The following SAMD3 variants were observed in gnomAD, a reference collection of about 807,000 sequenced individuals.
SAMD3 encodes the protein sterile alpha motif domain-containing protein 3.
In SAMD3, 63 loss-of-function variants were observed where a neutral mutation model predicts 58.5. The observed-to-expected ratio is 1.08, with a 90% confidence interval of 0.88 to 1.33. The LOEUF is 1.33. Ranked by LOEUF, SAMD3 falls within the 40% of genes most tolerant of loss-of-function variation. The probability of loss-of-function intolerance (pLI) is 0.00; values close to 1 mark genes in which losing one functional copy is unlikely to be tolerated. For synonymous variants in SAMD3, 220 were observed against 210.3 expected, an observed-to-expected ratio of 1.05 and a Z score of -0.40; for missense variants, 604 against 608.4, an observed-to-expected ratio of 0.99 and a Z score of 0.08.
chr6:130,150,877 A>G (rs530460843), intron 9 of SAMD3, among the ~76,000 whole-genome samples: 1 of 151,778 alleles, frequency 6.6e-6, no homozygotes, highest in East Asian at 1.9e-4. Flanking sequence ...ACACCCGGCT[A>G]ATTTTTGTAT....
intron 2 of SAMD3, among the ~76,000 whole-genome samples, chr6:130,261,966 G>T (rs543404258): frequency 6.6e-6 from 1 of 151,792 alleles, no homozygotes; most frequent in East Asian, 1.9e-4. Flanking sequence ...ACAGAGAGGA[G>T]AAAGAGAGAG....
At chr6:130,166,273 TC>T (rs1201274399) in intron 8 of SAMD3, among the ~76,000 whole-genome samples, 1 of 152,148 alleles carries the variant, frequency 6.6e-6, no homozygotes, top group African/African-American at 2.4e-5. Context: ...CTGAGGGACT[TC>T]CCTGACACAG....
At chr6:130,175,663 G>T in intron 8 of SAMD3, 178 bp downstream of exon 8, 1 of 428,446 alleles carries the variant, frequency 2.3e-6, no homozygotes, top group Non-Finnish European at 4.1e-6. Flanking sequence ...TTCTTTTCTT[G>T]GAAATATCAC....
chr6:130,214,212 C>T (rs1444239207), intron 4 of SAMD3, 125 bp downstream of exon 4: 5 of 703,606 alleles, frequency 7.1e-6, no homozygotes, highest in East Asian at 5.8e-5. Context: ...ATTAGAAATA[C>T]CGTACATACA....
chr6:130,351,964 CA>C (rs1777685604), intron 1 of SAMD3, among the ~76,000 whole-genome samples: 1 of 148,782 alleles, frequency 6.7e-6, no homozygotes, highest in Non-Finnish European at 1.5e-5. Context: ...ATCACAAGGA[CA>C]AAAAACCAAA....
At chr6:130,239,090 T>C (rs538937739) in intron 2 of SAMD3, among the ~76,000 whole-genome samples, 5 of 152,264 alleles carry the variant, frequency 3.3e-5, no homozygotes, top group African/African-American at 1.2e-4. Flanking sequence ...AGGAGCAGAA[T>C]GCTTGAGGAA....
intron 2 of SAMD3, among the ~76,000 whole-genome samples, chr6:130,255,804 T>C (rs1378578730): frequency 1.3e-5 from 2 of 151,884 alleles, no homozygotes; most frequent in Non-Finnish European, 2.9e-5. Flanking sequence ...CCAGTCTATA[T>C]TATTAAAAGT....
intron 5 of SAMD3, among the ~76,000 whole-genome samples, chr6:130,196,185 GC>G (rs973610742): frequency 1.3e-5 from 2 of 152,154 alleles, no homozygotes; most frequent in Admixed American, 1.3e-4. Flanking sequence ...AGTGGCTCCT[GC>G]CCCCCTAATA....
intron 4 of SAMD3, among the ~76,000 whole-genome samples, chr6:130,211,478 T>C (rs1795555002): frequency 6.6e-6 from 1 of 151,952 alleles, no homozygotes; most frequent in Admixed American, 6.6e-5. Context: ...GAGATGGGGT[T>C]TCACCATGTT....
chr6:130,308,393 C>CTATTCTATTCTATTCTATT (rs1776005944), intron 2 of SAMD3, among the ~76,000 whole-genome samples: 5 of 146,100 alleles, frequency 3.4e-5, no homozygotes, highest in African/African-American at 1.3e-4. Context: ...CTATTCTATT[C>CTATTCTATTCTATTCTATT]TATTCTATTC....
intron 5 of SAMD3, among the ~76,000 whole-genome samples, chr6:130,189,028 A>G (rs1239592799): frequency 2.0e-5 from 3 of 151,560 alleles, no homozygotes; most frequent in Non-Finnish European, 4.4e-5. Flanking sequence ...TCCATCTTAG[A>G]TCTCCAACAA....
intron 2 of SAMD3, among the ~76,000 whole-genome samples, chr6:130,282,112 T>C (rs948129964): frequency 3.4e-5 from 5 of 147,476 alleles, no homozygotes; most frequent in Admixed American, 2.8e-4. Flanking sequence ...TTACTTAACA[T>C]ATTCACACAA....
intron 1 of SAMD3, among the ~76,000 whole-genome samples, chr6:130,220,151 G>C (rs1378976183): frequency 6.6e-6 from 1 of 152,084 alleles, no homozygotes; most frequent in Non-Finnish European, 1.5e-5. Flanking sequence ...ACAGACGCGT[G>C]CCACCATGCC....
At chr6:130,302,680 G>C (rs929001172) in intron 2 of SAMD3, among the ~76,000 whole-genome samples, 1 of 152,172 alleles carries the variant, frequency 6.6e-6, no homozygotes, top group African/African-American at 2.4e-5. Flanking sequence ...ATCAACCTAA[G>C]TGACCATCAG....
intron 2 of SAMD3, among the ~76,000 whole-genome samples, chr6:130,256,857 T>C (rs1773943685): frequency 6.6e-6 from 1 of 152,242 alleles, no homozygotes; most frequent in African/African-American, 2.4e-5. Context: ...TTTTATTCAG[T>C]TTTCTGAAAT....
rs116087734 is a variant in SAMD3, at chr6:130,276,855, C to T, written c.-188+36123G>A. Among the ~76,000 whole-genome samples, 1,052 of 152,098 alleles carry T rather than the reference C, an allele frequency of 6.9e-3. 13 individuals carry two copies. The highest frequency in any genetic ancestry group is 0.022 in the African/African-American group (928 of 41,500). On this transcript the variant is annotated intron_variant, in intron 2 of 13. Coordinates refer to the SAMD3 transcript ENST00000368134. The stretch of plus-strand genomic sequence containing the variant: ...GTAGAAGGCTAGGGAATGGGTGCTG[C>T]TGATTGGTTGGAGATGAAAATAGGG...
At chr6:130,213,313 CT>C (rs1221967075) in intron 4 of SAMD3, among the ~76,000 whole-genome samples, 59 of 128,042 alleles carry the variant, frequency 4.6e-4, no homozygotes, top group African/African-American at 6.1e-4. Context: ...AAACAAAAAG[CT>C]TTTTTTTTTT....
chr6:130,232,007 A>C (rs1031868528), intron 2 of SAMD3, among the ~76,000 whole-genome samples: 2 of 152,142 alleles, frequency 1.3e-5, no homozygotes, highest in African/African-American at 4.8e-5. Context: ...ACAAATTTTA[A>C]TTTTATTTAA....
intron 2 of SAMD3, among the ~76,000 whole-genome samples, chr6:130,280,057 G>C (rs1328369388): frequency 6.6e-6 from 1 of 152,026 alleles, no homozygotes; most frequent in Admixed American, 6.5e-5. Context: ...CTAAAACTTT[G>C]CTTTAGGCTA....
Sources: gnomAD v4.1 joint callset for allele counts (sites outside exome capture counted in the v4.1 genomes callset) on GRCh38, gnomAD v4.1.1 for gene constraint, MANE v1.5 for transcripts, NCBI Gene and HGNC (gene_info 2026-07-23, HGNC 2026-07-21) for gene names.